Variants in SCARA5 observed in about 807,000 individuals in gnomAD.
SCARA5 encodes the protein scavenger receptor class A member 5, also known as scavenger receptor class A, member 5 (putative).
In SCARA5, 45 loss-of-function variants were observed where a neutral mutation model predicts 46.3. The ratio of observed to expected loss-of-function variants is 0.97; its 90% CI spans 0.76 to 1.24. SCARA5 has a LOEUF of 1.24. Ranked by LOEUF, SCARA5 falls within the 50% of genes most tolerant of loss-of-function variation. SCARA5 has a pLI of 0.00. For missense variants in SCARA5, 680 were observed against 689.0 expected (o/e 0.99, Z 0.15); for synonymous variants, 333 against 306.5 (o/e 1.09, Z -0.90).
intron 2 of SCARA5, among the ~76,000 whole-genome samples, chr8:27,973,087 G>A (rs1808471045): frequency 6.6e-6 from 1 of 152,158 alleles, no homozygotes; most frequent in South Asian, 2.1e-4. Flanking sequence ...TATTTTTGTG[G>A]CAAAGACTGT....
At chr8:27,934,716 T>A (rs528870181) in intron 3 of SCARA5, among the ~76,000 whole-genome samples, 1 of 152,146 alleles carries the variant, frequency 6.6e-6, no homozygotes, top group East Asian at 1.9e-4. Context: ...TCTTCCAGAG[T>A]GGAGCAGTGG....
intron 4 of SCARA5, among the ~76,000 whole-genome samples, chr8:27,915,119 C>T (rs552869835): frequency 2.6e-5 from 4 of 152,202 alleles, no homozygotes; most frequent in Non-Finnish European, 5.9e-5. Context: ...AACAGCTCCA[C>T]TTCCAGTACC....
chr8:27,968,959 T>A (rs1386030405), intron 2 of SCARA5, among the ~76,000 whole-genome samples: 1 of 152,316 alleles, frequency 6.6e-6, no homozygotes, highest in African/African-American at 2.4e-5. Flanking sequence ...TTGAGAGAGT[T>A]TAGTTCTTTG....
At chr8:27,965,294 T>C (rs1808352364) in intron 3 of SCARA5, among the ~76,000 whole-genome samples, 1 of 151,972 alleles carries the variant, frequency 6.6e-6, no homozygotes, top group African/African-American at 2.4e-5. Flanking sequence ...CAGCAAAAGG[T>C]CATCTATCTG....
intron 3 of SCARA5, among the ~76,000 whole-genome samples, chr8:27,928,620 G>A (rs1203422615): frequency 1.3e-5 from 2 of 152,182 alleles, no homozygotes; most frequent in East Asian, 3.9e-4. Context: ...GGTGGACACG[G>A]AGAACACACT....
rs1462843726 is a variant in SCARA5, at chr8:27,954,215, A to G, written c.241+12199T>C. ...ACCTTAAACCAGGAAAAGGACTAGA[A>G]GAGGCCAGCTGGCCCCTCCACCAGG... On this transcript the variant is annotated intron_variant, in intron 3 of 8. Coordinates refer to ENST00000354914, the MANE Select transcript of SCARA5 (RefSeq NM_173833.6). 2.4e-4 allele frequency among the ~76,000 whole-genome samples: 36 copies of G among 152,074 alleles called. 1 individual carries two copies. Among genetic ancestry groups the G allele is most frequent in the Admixed American group, 2.4e-3 (36 of 15,264 alleles).
intron 7 of SCARA5, among the ~76,000 whole-genome samples, chr8:27,883,979 T>A (rs1806851933): frequency 6.6e-6 from 1 of 151,788 alleles, no homozygotes; most frequent in Non-Finnish European, 1.5e-5. Context: ...CCGAAGGAGA[T>A]GGCAGAATTG....
At chr8:27,874,149 T>C (rs946559671) in intron 8 of SCARA5, among the ~76,000 whole-genome samples, 5 of 152,234 alleles carry the variant, frequency 3.3e-5, no homozygotes, top group African/African-American at 7.2e-5. Context: ...TTCTGCCTTA[T>C]AGAGCTAACG....
chr8:27,975,232 A>AG (rs1212278337), intron 2 of SCARA5, among the ~76,000 whole-genome samples: 1 of 152,202 alleles, frequency 6.6e-6, no homozygotes, highest in Non-Finnish European at 1.5e-5. Context: ...AGGTTCCTGG[A>AG]GGGCAGAACA....
chr8:27,969,007 A>G (rs1183241236), intron 2 of SCARA5, among the ~76,000 whole-genome samples: 1 of 152,200 alleles, frequency 6.6e-6, no homozygotes. Context: ...AACCAAGTAT[A>G]TTTTAAATAG....
At chr8:27,922,318 G>C (rs1248858484) in intron 3 of SCARA5, 73 bp from the exon 4 acceptor site, 1 of 1,099,432 alleles carries the variant, frequency 9.1e-7, no homozygotes, top group Non-Finnish European at 1.3e-6. Context: ...GGCGAACCCA[G>C]TCAGAGCCTG....
rs113019617 is a variant in SCARA5, at chr8:27,878,800, C to T, written c.1351+769G>A. 9.3e-3 allele frequency among the ~76,000 whole-genome samples: 1,416 copies of T among 152,246 alleles called. 13 individuals are homozygous for T. Among genetic ancestry groups the T allele is most frequent in the Middle Eastern group, 0.037 (11 of 294 alleles). ...CACTTTTATTTCCTCATTTGAAAAACAGGGATGGCTGGGCATGGTGGCTCA... is the reference window on the plus strand; with the variant it reads ...CACTTTTATTTCCTCATTTGAAAAATAGGGATGGCTGGGCATGGTGGCTCA... On this transcript the variant is annotated intron_variant, in intron 8 of 8. Transcript: ENST00000354914.
chr8:27,909,879 C>A, intron 4 of SCARA5, 136 bp from the exon 5 acceptor site: 3 of 571,516 alleles, frequency 5.2e-6, no homozygotes, highest in Non-Finnish European at 9.3e-6. Flanking sequence ...CAGGAAACCC[C>A]CAGCCCAGTC....
At chr8:27,914,247 G>A (rs1807425185) in intron 4 of SCARA5, among the ~76,000 whole-genome samples, 1 of 152,230 alleles carries the variant, frequency 6.6e-6, no homozygotes, top group Non-Finnish European at 1.5e-5. Flanking sequence ...TGGACTGTGA[G>A]TCCATTAAAC....
chr8:27,982,994 C>T (rs866579666), intron 2 of SCARA5, among the ~76,000 whole-genome samples: 39 of 152,258 alleles, frequency 2.6e-4, no homozygotes, highest in East Asian at 2.3e-3. Flanking sequence ...CCTTCCTCTG[C>T]GCTGAGGAAG....
chr8:27,955,558 T>C (rs1808194608), intron 3 of SCARA5, among the ~76,000 whole-genome samples: 1 of 152,152 alleles, frequency 6.6e-6, no homozygotes. Flanking sequence ...ACACACCATC[T>C]GCCTGGAGGT....
intron 7 of SCARA5, among the ~76,000 whole-genome samples, chr8:27,899,270 G>A (rs1006238626): frequency 6.6e-6 from 1 of 152,224 alleles, no homozygotes; most frequent in African/African-American, 2.4e-5. Flanking sequence ...GGGACACCCA[G>A]CTGGGGTTGG....
At chr8:27,935,805 C>A (rs141490853) in intron 3 of SCARA5, among the ~76,000 whole-genome samples, 2,504 of 152,200 alleles carry the variant, frequency 0.016, 40 homozygotes, top group South Asian at 0.061. Flanking sequence ...ACAAATACTG[C>A]CTGCTCTGGG....
chr8:27,879,827 G>C, intron 7 of SCARA5, 61 bp from the exon 8 acceptor site: 1 of 1,545,404 alleles, frequency 6.5e-7, no homozygotes, highest in Non-Finnish European at 8.8e-7. Flanking sequence ...GCCCCCAGGG[G>C]CCTTCTTTGA....
Sources: gnomAD v4.1 joint callset for allele counts (sites outside exome capture counted in the v4.1 genomes callset) on GRCh38, gnomAD v4.1.1 for gene constraint, MANE v1.5 for transcripts, NCBI Gene and HGNC (gene_info 2026-07-23, HGNC 2026-07-21) for gene names.